Variants in TBC1D32 observed in about 807,000 individuals in gnomAD.
The protein encoded by TBC1D32 is TBC1 domain family member 32.
TBC1D32 carries 151 observed loss-of-function variants against 170.3 expected under a neutral mutation model. That is an observed-to-expected ratio of 0.89 (90% CI 0.78 to 1.01). TBC1D32 has a LOEUF of 1.01. Ranked by LOEUF, TBC1D32 falls within the 50% of genes least tolerant of loss-of-function variation. The pLI, the probability that TBC1D32 is intolerant of heterozygous loss-of-function variation, is 0.00. For missense variants in TBC1D32, 1,464 were observed against 1,457.1 expected, an observed-to-expected ratio of 1.00 and a Z score of -0.08; for synonymous variants, 498 against 488.0, an observed-to-expected ratio of 1.02 and a Z score of -0.27.
chr6:121,275,278 A>C (rs1802064771), intron 15 of TBC1D32, among the ~76,000 whole-genome samples: 1 of 152,198 alleles, frequency 6.6e-6, no homozygotes, highest in African/African-American at 2.4e-5. Flanking sequence ...TATAAACACT[A>C]AAGAAAACAT....
chr6:121,245,564 A>G (rs1263333460), intron 17 of TBC1D32, among the ~76,000 whole-genome samples: 1 of 152,206 alleles, frequency 6.6e-6, no homozygotes, highest in East Asian at 1.9e-4. Context: ...TCCAATAGGC[A>G]GACAGCCTCT....
At chr6:121,149,737 C>G (rs529183241) in intron 24 of TBC1D32, among the ~76,000 whole-genome samples, 1 of 152,114 alleles carries the variant, frequency 6.6e-6, no homozygotes, top group Non-Finnish European at 1.5e-5. Flanking sequence ...CTTTGCTATA[C>G]GGGCTCTCTA....
At chr6:121,312,017 C>T (rs142276021) in intron 3 of TBC1D32, among the ~76,000 whole-genome samples, 2,935 of 152,210 alleles carry the variant, frequency 0.019, 37 homozygotes, top group South Asian at 0.042. Flanking sequence ...TGGAATACTA[C>T]GCAGCCATAA....
intron 15 of TBC1D32, among the ~76,000 whole-genome samples, chr6:121,276,422 G>A (rs1419437830): frequency 6.6e-6 from 1 of 151,718 alleles, no homozygotes; most frequent in Non-Finnish European, 1.5e-5. Flanking sequence ...TAAAAAGAGT[G>A]ACAAAAAAGT....
rs950700679 is a variant in TBC1D32, at chr6:121,310,950, A to G, written c.496-103T>C. The G allele has an allele frequency of 4.2e-6, 3 of 713,962 alleles. No individual in the cohort carries two copies. In the South Asian group the frequency reaches 5.3e-5, roughly 12 times the overall value. 44.2% of individuals were successfully genotyped at this position (713,962 alleles called of 1,614,324 possible). On this transcript the variant is annotated intron_variant, in intron 3 of 31. Coordinates refer to ENST00000398212, the MANE Select transcript of TBC1D32 (RefSeq NM_152730.6). ...ATTCCAAGCACAAAACACAATCCAG[A>G]CAAGAGAAGGAGATGATCTATTTTG...
chr6:121,255,809 G>A (rs1798927342), intron 16 of TBC1D32, among the ~76,000 whole-genome samples: 1 of 152,026 alleles, frequency 6.6e-6, no homozygotes, highest in Admixed American at 6.6e-5. Context: ...AAGAGTGTTA[G>A]TCTATGTAAG....
intron 3 of TBC1D32, 151 bp downstream of exon 3, chr6:121,317,344 G>T (rs1809071526): frequency 1.6e-5 from 8 of 502,614 alleles, no homozygotes; most frequent in African/African-American, 6.0e-5. Flanking sequence ...GTTATTTCAT[G>T]GACTAAATAT....
At chr6:121,199,964 T>C (rs1186763263) in intron 22 of TBC1D32, among the ~76,000 whole-genome samples, 1 of 151,412 alleles carries the variant, frequency 6.6e-6, no homozygotes, top group Non-Finnish European at 1.5e-5. Context: ...TCAGACTTTT[T>C]TAACAAAGAA....
In TBC1D32 at chr6:121,205,067, C is replaced by A; in HGVS notation, c.2570+8G>T. 6.9e-7 allele frequency: 1 copy of A among 1,453,084 alleles called. No homozygotes were observed. The highest frequency in any genetic ancestry group is 1.5e-5 in the African/African-American group (1 of 68,590). The allele number at this position is 1,453,084 out of a possible 1,614,324, so 90.0% of individuals were successfully genotyped here. A position where few individuals can be genotyped will look rare whatever the true frequency, so the allele number is the denominator to read the frequency against. ...ATATAATATCAAAAGTAAAATGTAG[C>A]ATTTTACCTTAGACCAAAGATATGT... On this transcript the variant is annotated splice_region_variant and intron_variant, in intron 22 of 31. Transcript: ENST00000398212.
chr6:121,286,984 A>C (rs1803958381), intron 12 of TBC1D32, among the ~76,000 whole-genome samples: 1 of 152,152 alleles, frequency 6.6e-6, no homozygotes, highest in African/African-American at 2.4e-5. Flanking sequence ...GCCTGCCCTA[A>C]AAGAGCTCCT....
chr6:121,117,842 T>C (rs959406227), intron 26 of TBC1D32, among the ~76,000 whole-genome samples: 1 of 152,062 alleles, frequency 6.6e-6, no homozygotes, highest in East Asian at 1.9e-4. Context: ...TCCAAATACA[T>C]CTCAGACAAC....
intron 21 of TBC1D32, among the ~76,000 whole-genome samples, chr6:121,207,876 A>T (rs1310942943): frequency 6.6e-6 from 1 of 152,134 alleles, no homozygotes; most frequent in East Asian, 1.9e-4. Flanking sequence ...TATGTGACTG[A>T]CTTGTTTTTT....
chr6:121,305,181 C>T lies in TBC1D32; in HGVS notation c.691-348G>A, dbSNP rs974409384. 2.6e-5 allele frequency among the ~76,000 whole-genome samples: 4 copies of T among 151,960 alleles called. No individual in the cohort carries two copies. The East Asian group carries it at 7.7e-4, about 29-fold the overall frequency. ...AGGCAGTACTAAATTTTTTTAACAC[C>T]CCGTATTTCCAAATCGAAAATTCAT... On this transcript the variant is annotated intron_variant, in intron 5 of 31. Coordinates refer to ENST00000398212, the MANE Select transcript of TBC1D32 (RefSeq NM_152730.6).
chr6:121,158,065 A>G (rs1235878842), intron 24 of TBC1D32, among the ~76,000 whole-genome samples: 3 of 152,168 alleles, frequency 2.0e-5, no homozygotes, highest in Admixed American at 2.0e-4. Context: ...AAACTTGGGA[A>G]AATTTTGATG....
chr6:121,170,550 C>G, intron 22 of TBC1D32: 1 of 1,475,024 alleles, frequency 6.8e-7, no homozygotes, highest in Non-Finnish European at 9.0e-7. Context: ...GAAAAATAAA[C>G]GTAGATTGTG....
chr6:121,110,034 G>C (rs998829999), intron 29 of TBC1D32, among the ~76,000 whole-genome samples: 31 of 151,790 alleles, frequency 2.0e-4, no homozygotes, highest in African/African-American at 7.5e-4. Context: ...GGCAGAGCAC[G>C]AAGTCAGGAG....
At position 121,106,005 on chromosome 6, in the gene TBC1D32, T is replaced by A. The variant is rs202069287; in HGVS notation, c.3465+18A>T. On this transcript the variant is annotated intron_variant, in intron 30 of 31. Transcript: ENST00000398212. ...TGAGATAAAGGAGTTGGAGAAATGC[T>A]ACTCCCTTATGGATTACCTGTGATG... is the stretch of plus-strand genomic sequence containing the variant. 2 of 1,579,608 alleles carry A rather than the reference T, an allele frequency of 1.3e-6. No homozygotes were observed. Among genetic ancestry groups the A allele is most frequent in the Non-Finnish European group, 1.7e-6 (2 of 1,158,664 alleles).
At chr6:121,136,491 G>T (rs1191129153) in intron 24 of TBC1D32, among the ~76,000 whole-genome samples, 1 of 152,122 alleles carries the variant, frequency 6.6e-6, no homozygotes, top group Non-Finnish European at 1.5e-5. Flanking sequence ...GGCATCAAGT[G>T]GATTGGAGCC....
chr6:121,212,452 T>C (rs60588793), intron 21 of TBC1D32, among the ~76,000 whole-genome samples: 129 of 20,532 alleles, frequency 6.3e-3, no homozygotes, highest in South Asian at 0.049. Context: ...CAATATCTCT[T>C]TTTTTTTTTT....
Sources: gnomAD v4.1 joint callset for allele counts (sites outside exome capture counted in the v4.1 genomes callset) on GRCh38, gnomAD v4.1.1 for gene constraint, MANE v1.5 for transcripts, NCBI Gene and HGNC (gene_info 2026-07-23, HGNC 2026-07-21) for gene names.